Variants in TNRC6C observed in about 807,000 individuals in gnomAD.
TNRC6C encodes trinucleotide repeat containing adaptor 6C.
TNRC6C carries 20 observed loss-of-function variants against 153.7 expected under a neutral mutation model. That is an observed-to-expected ratio of 0.13 (90% confidence interval 0.09 to 0.19). TNRC6C has a LOEUF of 0.19. Ranked by LOEUF, TNRC6C falls within the 10% of genes least tolerant of loss-of-function variation. The pLI is 1.00. For synonymous variants in TNRC6C, 811 were observed against 841.4 expected (o/e 0.96, Z 0.63); for missense variants, 1,987 against 2,172.0 (o/e 0.91, Z 1.69).
chr17:78,075,127 G>A lies in TNRC6C; in HGVS notation c.2918-9G>A. The stretch of plus-strand genomic sequence containing the variant: ...GTTTACAACATTGCTTCTGTTTGTT[G>A]TGCTCCAGGCGCTCTGCTGGAAAAG... On this transcript the variant is annotated splice_polypyrimidine_tract_variant and intron_variant, in intron 7 of 19. Transcript: ENST00000301624. The surrounding 1 kb of genome is among the most constrained non-coding windows in gnomAD (Gnocchi z 4.2). 2 of 1,612,776 alleles carry A rather than the reference G, an allele frequency of 1.2e-6. No individual in the cohort carries two copies. The highest frequency in any genetic ancestry group is 1.7e-6 in the Non-Finnish European group (2 of 1,179,358).
intron 1 of TNRC6C, among the ~76,000 whole-genome samples, chr17:77,967,463 C>T (rs1448322773): frequency 1.3e-5 from 2 of 151,936 alleles, no homozygotes; most frequent in Non-Finnish European, 2.9e-5. Flanking sequence ...TTTAGAATAA[C>T]GATCAACTGT....
At chr17:77,984,442 C>T (rs1019628029) in intron 1 of TNRC6C, among the ~76,000 whole-genome samples, 13 of 151,948 alleles carry the variant, frequency 8.6e-5, no homozygotes, top group Non-Finnish European at 1.6e-4. Flanking sequence ...GTGGGAGGAT[C>T]GCTTGATTGA....
chr17:78,108,809 T>C (rs992230825), exon 20 of TNRC6C: 1 of 152,222 alleles, frequency 6.6e-6, no homozygotes, highest in South Asian at 2.1e-4. Flanking sequence ...TATTAAATTT[T>C]TTTTTAAATG....
chr17:78,024,148 T>C (rs1311938909), intron 1 of TNRC6C, among the ~76,000 whole-genome samples: 1 of 152,116 alleles, frequency 6.6e-6, no homozygotes, highest in African/African-American at 2.4e-5. Context: ...CATTAAAGTG[T>C]GTGAAAAAAT....
chr17:78,093,654 G>C, exon 16 of TNRC6C: 2 of 1,614,016 alleles, frequency 1.2e-6, no homozygotes, highest in Non-Finnish European at 1.7e-6. Flanking sequence ...AAGGACTGCA[G>C]AATATTGACC....
At chr17:77,986,991 C>CA (rs1373167137) in intron 1 of TNRC6C, among the ~76,000 whole-genome samples, 5 of 152,090 alleles carry the variant, frequency 3.3e-5, no homozygotes, top group African/African-American at 1.2e-4. Context: ...ATAGTTCCTA[C>CA]AAATACAAGT....
At chr17:77,987,583 C>A (rs1264375428) in intron 1 of TNRC6C, among the ~76,000 whole-genome samples, 1 of 152,136 alleles carries the variant, frequency 6.6e-6, no homozygotes, top group African/African-American at 2.4e-5. Context: ...AATGGAAACA[C>A]CTAAATAAGC....
At chr17:77,969,197 C>G (rs1285712586) in intron 1 of TNRC6C, among the ~76,000 whole-genome samples, 1 of 152,144 alleles carries the variant, frequency 6.6e-6, no homozygotes, top group African/African-American at 2.4e-5. Flanking sequence ...CTCCTCACCG[C>G]TCTATTGCAC....
intron 1 of TNRC6C, among the ~76,000 whole-genome samples, chr17:78,017,747 G>A (rs2071755201): frequency 6.6e-6 from 1 of 152,216 alleles, no homozygotes. Context: ...CCAGCCTCCT[G>A]TGAAACAACC....
At chr17:77,991,289 T>C (rs993976643) in intron 1 of TNRC6C, among the ~76,000 whole-genome samples, 1 of 152,230 alleles carries the variant, frequency 6.6e-6, no homozygotes, top group Non-Finnish European at 1.5e-5. Context: ...CAAATTTGTA[T>C]GTGTATCTGT....
intron 11 of TNRC6C, among the ~76,000 whole-genome samples, chr17:78,084,777 C>T (rs1364988876): frequency 2.0e-5 from 3 of 151,860 alleles, no homozygotes; most frequent in African/African-American, 2.4e-5. Flanking sequence ...TACAGGCGCC[C>T]GCCACCACGC....
At chr17:77,973,884 C>T (rs2144074442) in intron 1 of TNRC6C, among the ~76,000 whole-genome samples, 1 of 152,226 alleles carries the variant, frequency 6.6e-6, no homozygotes, top group African/African-American at 2.4e-5. Flanking sequence ...TGGGAAAACA[C>T]AATATTGTTA....
chr17:78,084,386 A>G (rs2073239148), intron 11 of TNRC6C, among the ~76,000 whole-genome samples: 1 of 151,000 alleles, frequency 6.6e-6, no homozygotes. Context: ...AACCTTTGCT[A>G]ATGAGAGAGT....
At chr17:77,960,002 C>G (rs941536800) in intron 1 of TNRC6C, among the ~76,000 whole-genome samples, 1 of 152,124 alleles carries the variant, frequency 6.6e-6, no homozygotes. Context: ...AAGCATGTTA[C>G]ACGGAGCTTT....
chr17:78,044,617 A>C (rs1453361576), intron 2 of TNRC6C, among the ~76,000 whole-genome samples: 1 of 152,202 alleles, frequency 6.6e-6, no homozygotes, highest in African/African-American at 2.4e-5. Context: ...TTATTGTTTC[A>C]ATTGAGTTGG....
intron 3 of TNRC6C, among the ~76,000 whole-genome samples, chr17:78,062,046 C>CTA (rs2072779426): frequency 6.6e-6 from 1 of 152,150 alleles, no homozygotes; most frequent in Non-Finnish European, 1.5e-5. Flanking sequence ...TGGTCTTTAG[C>CTA]AACACATGAG....
chr17:78,071,311 C>A, intron 6 of TNRC6C, 146 bp downstream of exon 8: 1 of 820,224 alleles, frequency 1.2e-6, no homozygotes, highest in Non-Finnish European at 2.0e-6. Flanking sequence ...ACTCTTAAAT[C>A]TCCCTTTTAC....
chr17:77,965,833 AACT>A, intron 1 of TNRC6C, among the ~76,000 whole-genome samples: 1 of 152,226 alleles, frequency 6.6e-6, no homozygotes. Context: ...ATGCTCTGAG[AACT>A]CCAGCAGTGA....
chr17:78,062,928 C>T (rs2072796769), intron 3 of TNRC6C, among the ~76,000 whole-genome samples: 1 of 152,052 alleles, frequency 6.6e-6, no homozygotes, highest in Non-Finnish European at 1.5e-5. Context: ...ATAAGATAAG[C>T]TAGAGAACAG....
Sources: gnomAD v4.1 joint callset for allele counts (sites outside exome capture counted in the v4.1 genomes callset) on GRCh38, gnomAD v4.1.1 for gene constraint, Gnocchi (gnomAD v3.1) non-coding constraint, MANE v1.5 for transcripts, NCBI Gene and HGNC (gene_info 2026-07-23, HGNC 2026-07-21) for gene names.